Variants in BLTP1 observed in about 807,000 individuals in gnomAD.
BLTP1 encodes the protein bridge-like lipid transfer protein family member 1, also known as fragile site-associated protein.
chr4:122,267,127 C>G, the BLTP1 span, among the ~76,000 whole-genome samples: 1 of 129,234 alleles, frequency 7.7e-6, no homozygotes, highest in African/African-American at 3.1e-5. Flanking sequence ...GGCGCAATCT[C>G]GGCTTACTGC....
At chr4:122,357,291 G>A in the BLTP1 span, among the ~76,000 whole-genome samples, 5 of 152,028 alleles carry the variant, frequency 3.3e-5, no homozygotes, top group African/African-American at 4.8e-5. Context: ...GGCTGGGGGC[G>A]GTGGCTCATG....
chr4:122,154,216 C>A, the BLTP1 span: 1 of 678,738 alleles, frequency 1.5e-6, no homozygotes, highest in Non-Finnish European at 1.7e-6. Flanking sequence ...CGCTCTGTTG[C>A]CCAGGCTGGA....
the BLTP1 span, chr4:122,272,289 T>C: frequency 6.2e-7 from 1 of 1,613,344 alleles, no homozygotes; most frequent in Non-Finnish European, 8.5e-7. Context: ...ACTCTAATAG[T>C]GTTTGGGATT....
At chr4:122,187,344 G>A in the BLTP1 span, 1 of 1,543,462 alleles carries the variant, frequency 6.5e-7, no homozygotes, top group South Asian at 1.3e-5. Context: ...AACTGAAACT[G>A]TGAGGTATGG....
chr4:122,318,102 T>G, the BLTP1 span: 3 of 1,569,606 alleles, frequency 1.9e-6, no homozygotes, highest in Non-Finnish European at 2.6e-6. Context: ...TCAGTCTTAC[T>G]TTGTTATTTA....
the BLTP1 span, chr4:122,292,000 C>T: frequency 1.3e-5 from 2 of 152,048 alleles, no homozygotes; most frequent in Non-Finnish European, 2.2e-5. Context: ...GAGATGGAGT[C>T]GCACTTTGTC....
At chr4:122,313,810 T>G in the BLTP1 span, 1 of 498,668 alleles carries the variant, frequency 2.0e-6, no homozygotes, top group Non-Finnish European at 3.4e-6. Flanking sequence ...TATTTTGTAT[T>G]AGAACATTTG....
chr4:122,197,638 G>A, the BLTP1 span: 1 of 186,156 alleles, frequency 5.4e-6, no homozygotes, highest in Non-Finnish European at 1.0e-5. Flanking sequence ...CAGACGTTTG[G>A]GCAGTAATTG....
chr4:122,347,529 C>T, the BLTP1 span: 1 of 1,612,062 alleles, frequency 6.2e-7, no homozygotes, highest in Non-Finnish European at 8.5e-7. Context: ...TAGCATCTGG[C>T]CCAGGGACAC....
At chr4:122,184,967 A>G in the BLTP1 span, 20 of 984,424 alleles carry the variant, frequency 2.0e-5, no homozygotes, top group East Asian at 8.0e-4. Flanking sequence ...GCCAGTCTTC[A>G]TCAGGGAAGA....
At chr4:122,351,905 T>C in the BLTP1 span, among the ~76,000 whole-genome samples, 2 of 152,190 alleles carry the variant, frequency 1.3e-5, no homozygotes, top group Non-Finnish European at 2.9e-5. Context: ...GTGAGAGGTA[T>C]GGAAAACAGC....
chr4:122,192,358 G>T, the BLTP1 span: 1 of 1,611,492 alleles, frequency 6.2e-7, no homozygotes. Context: ...TTTAATTATG[G>T]ACCATGGGCC....
the BLTP1 span, chr4:122,196,782 C>T: frequency 6.6e-7 from 1 of 1,521,958 alleles, no homozygotes; most frequent in South Asian, 1.2e-5. Context: ...TGCTGTTTAC[C>T]AAAAATAGGG....
the BLTP1 span, among the ~76,000 whole-genome samples, chr4:122,295,434 C>T: frequency 5.9e-5 from 9 of 152,112 alleles, no homozygotes; most frequent in East Asian, 1.7e-3. Context: ...ACCCTACAAG[C>T]CAGAAAACAT....
At chr4:122,270,857 C>T in the BLTP1 span, 3 of 470,482 alleles carry the variant, frequency 6.4e-6, no homozygotes, top group African/African-American at 2.1e-5. Flanking sequence ...TCATAAAAAG[C>T]CTGGCCTAGT....
the BLTP1 span, chr4:122,258,737 C>T: frequency 1.2e-6 from 2 of 1,613,846 alleles, no homozygotes; most frequent in Admixed American, 1.7e-5. Flanking sequence ...TTAGAAGGAA[C>T]AGCTAACCGG....
At chr4:122,158,724 T>A in the BLTP1 span, among the ~76,000 whole-genome samples, 1 of 152,146 alleles carries the variant, frequency 6.6e-6, no homozygotes, top group Admixed American at 6.5e-5. Context: ...TGAGCTGAGA[T>A]TGCGCCACTG....
the BLTP1 span, among the ~76,000 whole-genome samples, chr4:122,216,292 T>G: frequency 6.6e-6 from 1 of 152,218 alleles, no homozygotes; most frequent in Non-Finnish European, 1.5e-5. Flanking sequence ...TACCCAGTAG[T>G]GGAATTGCTG....
the BLTP1 span, among the ~76,000 whole-genome samples, chr4:122,253,533 C>G: frequency 6.6e-6 from 1 of 151,820 alleles, no homozygotes; most frequent in African/African-American, 2.4e-5. Context: ...AGTCTCTTAA[C>G]AGCAAAATTG....
Sources: gnomAD v4.1 joint callset for allele counts (sites outside exome capture counted in the v4.1 genomes callset) on GRCh38, gnomAD v4.1.1 for gene constraint, MANE v1.5 for transcripts, NCBI Gene and HGNC (gene_info 2026-07-23, HGNC 2026-07-21) for gene names.